The following PHC3 variants were observed in gnomAD, a reference collection of about 807,000 sequenced individuals.
PHC3 encodes polyhomeotic homolog 3.
A neutral mutation model predicts 107.4 loss-of-function variants in PHC3; 13 were observed. That is an observed-to-expected ratio of 0.12 (90% CI 0.08 to 0.19). The LOEUF (loss-of-function observed/expected upper bound fraction) is 0.19, where lower values mean the gene tolerates loss of function less well. Ranked by LOEUF, PHC3 falls within the 10% of genes least tolerant of loss-of-function variation. The probability of loss-of-function intolerance (pLI) is 1.00; values close to 1 mark genes in which losing one functional copy is unlikely to be tolerated. For missense variants in PHC3, 992 were observed against 1,210.9 expected, an observed-to-expected ratio of 0.82 and a Z score of 2.68; for synonymous variants, 456 against 427.4, an observed-to-expected ratio of 1.07 and a Z score of -0.83.
chr3:170,109,785 A>C (rs1003692225), intron 11 of PHC3, among the ~76,000 whole-genome samples: 6 of 152,120 alleles, frequency 3.9e-5, no homozygotes, highest in African/African-American at 1.4e-4. Context: ...AACCAGTCTA[A>C]AGAGAACCAC....
chr3:170,115,684 A>G (rs1322505515), intron 10 of PHC3, among the ~76,000 whole-genome samples: 2 of 152,248 alleles, frequency 1.3e-5, no homozygotes, highest in African/African-American at 2.4e-5. Flanking sequence ...ACCATACAGA[A>G]TAATTTATGC....
intron 7 of PHC3, among the ~76,000 whole-genome samples, chr3:170,131,732 G>A (rs1273028643): frequency 1.3e-5 from 2 of 152,180 alleles, no homozygotes; most frequent in Non-Finnish European, 2.9e-5. Context: ...TATTACTCAG[G>A]AGGCTGAGGT....
chr3:170,166,006 A>G (rs1369663717), intron 4 of PHC3, among the ~76,000 whole-genome samples: 1 of 150,840 alleles, frequency 6.6e-6, no homozygotes, highest in Non-Finnish European at 1.5e-5. Flanking sequence ...AGGCTCCCCA[A>G]AGAAACAGAA....
At chr3:170,166,541 T>C (rs1728775126) in intron 4 of PHC3, among the ~76,000 whole-genome samples, 1 of 152,190 alleles carries the variant, frequency 6.6e-6, no homozygotes, top group South Asian at 2.1e-4. Flanking sequence ...AATCCTCAAT[T>C]AATGGGCATT....
At chr3:170,122,503 G>C (rs904319603) in intron 9 of PHC3, 88 bp downstream of exon 9, 1 of 1,387,986 alleles carries the variant, frequency 7.2e-7, no homozygotes, top group Non-Finnish European at 1.0e-6. Context: ...CAAAAAGGGT[G>C]AAAGGAGGAA....
chr3:170,146,535 CTTTTTTTT>C, intron 5 of PHC3, among the ~76,000 whole-genome samples: 1 of 123,486 alleles, frequency 8.1e-6, no homozygotes, highest in Non-Finnish European at 1.7e-5. Flanking sequence ...TTTTCTTTTT[CTTTTTTTT>C]TTTTTTTTGG....
At chr3:170,101,735 A>C (rs1715511206) in intron 14 of PHC3, among the ~76,000 whole-genome samples, 1 of 152,200 alleles carries the variant, frequency 6.6e-6, no homozygotes, top group Non-Finnish European at 1.5e-5. Context: ...AGCTGTCTTT[A>C]GTAGCCAGCC....
chr3:170,100,696 A>T (rs1715330773), intron 14 of PHC3, among the ~76,000 whole-genome samples: 1 of 152,224 alleles, frequency 6.6e-6, no homozygotes, highest in South Asian at 2.1e-4. Flanking sequence ...TTTTTAACTC[A>T]AATGATGCAA....
intron 4 of PHC3, among the ~76,000 whole-genome samples, chr3:170,168,186 C>CAAAGGCAAAGGG (rs1577250696): frequency 1.1e-4 from 5 of 44,918 alleles, no homozygotes; most frequent in East Asian, 3.9e-3. Context: ...AAGGCAAAGT[C>CAAAGGCAAAGGG]AAAGGGAAAG....
chr3:170,175,065 G>C (rs1166038332), intron 2 of PHC3, among the ~76,000 whole-genome samples: 1 of 152,180 alleles, frequency 6.6e-6, no homozygotes, highest in Non-Finnish European at 1.5e-5. Flanking sequence ...GTAAATACAA[G>C]TTATAGATAC....
At chr3:170,153,580 G>A (rs1019363375) in intron 4 of PHC3, among the ~76,000 whole-genome samples, 11 of 151,938 alleles carry the variant, frequency 7.2e-5, no homozygotes, top group Non-Finnish European at 8.8e-5. Flanking sequence ...TGGATAACAC[G>A]GTGAAACCCC....
intron 4 of PHC3, among the ~76,000 whole-genome samples, chr3:170,153,907 C>A (rs1726453240): frequency 6.6e-6 from 1 of 152,140 alleles, no homozygotes; most frequent in Non-Finnish European, 1.5e-5. Context: ...TCCTCTATGG[C>A]ACTGGCGATG....
At position 170,089,502 on chromosome 3, in the gene PHC3, T is replaced by C. The variant is rs1713850951; in HGVS notation, c.*7728A>G. ...TTACATATCTTTAAAAGTTGGATAT[T>C]TGTAATAGCTTAAAGTACAGTAACA... On this transcript the variant is annotated 3_prime_UTR_variant, in exon 15 of 15. Transcript: ENST00000495893. The C allele has an allele frequency of 6.6e-6, 1 of 152,260 alleles. No homozygotes were observed. Among genetic ancestry groups the C allele is most frequent in the African/African-American group, 2.4e-5 (1 of 41,478 alleles). 9.4% of individuals were successfully genotyped at this position (152,260 alleles called of 1,614,324 possible). A position where few individuals can be genotyped will look rare whatever the true frequency, so the allele number is the denominator to read the frequency against.
intron 4 of PHC3, among the ~76,000 whole-genome samples, chr3:170,154,086 G>A (rs1230029066): frequency 2.6e-5 from 4 of 152,018 alleles, no homozygotes; most frequent in Non-Finnish European, 5.9e-5. Context: ...AATTGTTACC[G>A]TCCATATACT....
chr3:170,178,687 A>G, intron 2 of PHC3, 86 bp downstream of exon 2: 1 of 1,407,180 alleles, frequency 7.1e-7, no homozygotes, highest in Non-Finnish European at 1.0e-6. Flanking sequence ...ACATTTGAGA[A>G]TATGAAACAA....
intron 4 of PHC3, among the ~76,000 whole-genome samples, chr3:170,152,669 T>C (rs990541301): frequency 2.0e-5 from 3 of 148,638 alleles, no homozygotes; most frequent in African/African-American, 7.4e-5. Context: ...CTTTTCTTCT[T>C]TTTTTTTTTG....
intron 2 of PHC3, among the ~76,000 whole-genome samples, chr3:170,175,239 A>G (rs2108771559): frequency 6.6e-6 from 1 of 152,342 alleles, no homozygotes; most frequent in Non-Finnish European, 1.5e-5. Flanking sequence ...GTCTCATAAG[A>G]AACAGAGTCA....
At chr3:170,147,720 G>A (rs1482728978) in intron 5 of PHC3, 1 of 152,238 alleles carries the variant, frequency 6.6e-6, no homozygotes, top group Admixed American at 6.5e-5. Flanking sequence ...AGGGGACAGA[G>A]AGGGTAGGGC....
chr3:170,122,812 C>A, intron 8 of PHC3, 68 bp from the exon 9 acceptor site: 1 of 1,532,794 alleles, frequency 6.5e-7, no homozygotes, highest in South Asian at 1.2e-5. Flanking sequence ...TTCTTAATTT[C>A]AGAAAATTAA....
Sources: gnomAD v4.1 joint callset for allele counts (sites outside exome capture counted in the v4.1 genomes callset) on GRCh38, gnomAD v4.1.1 for gene constraint, MANE v1.5 for transcripts, NCBI Gene and HGNC (gene_info 2026-07-23, HGNC 2026-07-21) for gene names.